The following ST6GALNAC5 variants were observed in gnomAD, a reference collection of about 807,000 sequenced individuals.
ST6GALNAC5 encodes the protein alpha-N-acetylgalactosaminide alpha-2,6-sialyltransferase 5.
Under a neutral mutation model 33.6 loss-of-function variants are expected in ST6GALNAC5, and 27 were observed. That is an observed-to-expected ratio of 0.80 (90% CI 0.59 to 1.11). The LOEUF (loss-of-function observed/expected upper bound fraction) is 1.11, where lower values mean the gene tolerates loss of function less well. Ranked by LOEUF, ST6GALNAC5 falls within the 50% of genes least tolerant of loss-of-function variation. The pLI, the probability that ST6GALNAC5 is intolerant of heterozygous loss-of-function variation, is 0.00. For synonymous variants in ST6GALNAC5, 194 were observed against 171.2 expected, an observed-to-expected ratio of 1.13 and a Z score of -1.04; for missense variants, 428 against 454.0, an observed-to-expected ratio of 0.94 and a Z score of 0.52.
chr1:77,012,491 G>A (rs1650669428), intron 2 of ST6GALNAC5, among the ~76,000 whole-genome samples: 1 of 152,124 alleles, frequency 6.6e-6, no homozygotes, highest in Non-Finnish European at 1.5e-5. Flanking sequence ...AGGGATAGTA[G>A]GGGACACGAA....
chr1:76,876,454 T>C (rs1190462236), intron 2 of ST6GALNAC5, among the ~76,000 whole-genome samples: 2 of 152,216 alleles, frequency 1.3e-5, no homozygotes, highest in Non-Finnish European at 2.9e-5. Context: ...AATCCTCCTC[T>C]GCTGAAGTCA....
intron 2 of ST6GALNAC5, among the ~76,000 whole-genome samples, chr1:76,966,463 T>C (rs985261879): frequency 9.2e-5 from 14 of 152,258 alleles, no homozygotes; most frequent in African/African-American, 3.4e-4. Context: ...CTTGAGACTT[T>C]GCTGAAATTG....
At chr1:77,051,801 C>T (rs959111579) in intron 4 of ST6GALNAC5, among the ~76,000 whole-genome samples, 2 of 152,054 alleles carry the variant, frequency 1.3e-5, no homozygotes, top group Non-Finnish European at 2.9e-5. Context: ...GAGAATGGCA[C>T]TTATGGGCAT....
chr1:77,059,253 A>T (rs28702615), intron 4 of ST6GALNAC5, among the ~76,000 whole-genome samples: 5,532 of 152,236 alleles, frequency 0.036, 197 homozygotes, highest in African/African-American at 0.093. Context: ...AGATTTTACC[A>T]GTTTCTCTAC....
intron 2 of ST6GALNAC5, among the ~76,000 whole-genome samples, chr1:76,897,475 C>A (rs1385612236): frequency 1.3e-5 from 2 of 152,108 alleles, no homozygotes; most frequent in Non-Finnish European, 2.9e-5. Flanking sequence ...TGAGTGATAA[C>A]AGGCTTTAAC....
chr1:76,944,261 G>A lies in ST6GALNAC5; in HGVS notation c.261+75519G>A, dbSNP rs552374886. ...TTTTTATTATTTTAAAGAGAGAATA[G>A]ATGGTTATTATACCACTTACGCAGC... On this transcript the variant is annotated intron_variant, in intron 2 of 4. Transcript: ENST00000477717. Among the ~76,000 whole-genome samples, 58 of 152,200 alleles carry A rather than the reference G, an allele frequency of 3.8e-4. 1 individual carries two copies. Among genetic ancestry groups the A allele is most frequent in the African/African-American group, 1.2e-3 (51 of 41,550 alleles).
intron 2 of ST6GALNAC5, among the ~76,000 whole-genome samples, chr1:76,987,933 G>T (rs964318169): frequency 6.6e-6 from 1 of 152,050 alleles, no homozygotes; most frequent in Non-Finnish European, 1.5e-5. Context: ...TAAAGCCAAG[G>T]AAGTTTTCTT....
rs147912436 is a variant in ST6GALNAC5 at position 77,024,682 on chromosome 1, A to G, written c.262-19522A>G. 7.2e-5 allele frequency among the ~76,000 whole-genome samples: 11 copies of G among 152,338 alleles called. No individual in the cohort carries two copies. In the East Asian group the frequency reaches 2.1e-3, roughly 29 times the overall value. On this transcript the variant is annotated intron_variant, in intron 2 of 4. Transcript: ENST00000477717. ...CAAGGGACTTTGATATGTGAGACCC[A>G]GAAGCTCCCTGCAGAGAACAAAGGG... is the stretch of plus-strand genomic sequence containing the variant.
At chr1:76,905,597 G>A (rs991128691) in intron 2 of ST6GALNAC5, among the ~76,000 whole-genome samples, 5 of 152,148 alleles carry the variant, frequency 3.3e-5, no homozygotes, top group Non-Finnish European at 5.9e-5. Context: ...TCTTCAAATG[G>A]TGATTGGGTG....
intron 2 of ST6GALNAC5, among the ~76,000 whole-genome samples, chr1:77,015,433 A>G (rs1189866980): frequency 6.6e-6 from 1 of 152,170 alleles, no homozygotes; most frequent in Non-Finnish European, 1.5e-5. Context: ...AACACCCTCA[A>G]GACACACCAG....
chr1:77,029,574 G>A (rs1290035328), intron 2 of ST6GALNAC5, among the ~76,000 whole-genome samples: 4 of 152,236 alleles, frequency 2.6e-5, no homozygotes, highest in African/African-American at 7.2e-5. Context: ...GAGGCATGGG[G>A]ACTAGAAACG....
intron 2 of ST6GALNAC5, among the ~76,000 whole-genome samples, chr1:77,032,953 G>A (rs566265722): frequency 6.6e-5 from 10 of 152,256 alleles, no homozygotes; most frequent in African/African-American, 2.2e-4. Context: ...TTGTGGAATC[G>A]GGCTTGTCGG....
intron 2 of ST6GALNAC5, among the ~76,000 whole-genome samples, chr1:77,028,422 G>C (rs1382683765): frequency 6.6e-6 from 1 of 152,186 alleles, no homozygotes; most frequent in Non-Finnish European, 1.5e-5. Context: ...TAGAAATCAA[G>C]CTGGAAGGAA....
chr1:76,986,516 A>G (rs1649502366), intron 2 of ST6GALNAC5, among the ~76,000 whole-genome samples: 1 of 151,968 alleles, frequency 6.6e-6, no homozygotes, highest in Non-Finnish European at 1.5e-5. Context: ...AGGAAACAAT[A>G]GATGCTAGAG....
chr1:76,989,070 A>T (rs549618679), intron 2 of ST6GALNAC5, among the ~76,000 whole-genome samples: 1 of 152,024 alleles, frequency 6.6e-6, no homozygotes, highest in African/African-American at 2.4e-5. Context: ...TGTAAAATTG[A>T]CCTAGTCTTT....
intron 2 of ST6GALNAC5, among the ~76,000 whole-genome samples, chr1:76,922,655 T>C (rs1171449651): frequency 2.0e-5 from 3 of 152,116 alleles, no homozygotes; most frequent in Non-Finnish European, 4.4e-5. Flanking sequence ...TAGAATAGAA[T>C]GGAGAACTCA....
At chr1:76,970,233 A>G (rs150964230) in intron 2 of ST6GALNAC5, among the ~76,000 whole-genome samples, 1,716 of 152,172 alleles carry the variant, frequency 0.011, 36 homozygotes, top group African/African-American at 0.039. Flanking sequence ...TAGGCTTCAG[A>G]AGGTCGGTAA....
chr1:76,930,616 T>TGGCA (rs1438169615), intron 2 of ST6GALNAC5, among the ~76,000 whole-genome samples: 4 of 152,176 alleles, frequency 2.6e-5, no homozygotes, highest in Admixed American at 2.0e-4. Flanking sequence ...CTGAAATGGA[T>TGGCA]GGCAAGTCAG....
intron 2 of ST6GALNAC5, among the ~76,000 whole-genome samples, chr1:77,029,442 A>G (rs1468183851): frequency 6.6e-6 from 1 of 152,184 alleles, no homozygotes; most frequent in Non-Finnish European, 1.5e-5. Flanking sequence ...GTGGCTTCCA[A>G]TGTTACTATG....
Sources: gnomAD v4.1 joint callset for allele counts (sites outside exome capture counted in the v4.1 genomes callset) on GRCh38, gnomAD v4.1.1 for gene constraint, MANE v1.5 for transcripts, NCBI Gene and HGNC (gene_info 2026-07-23, HGNC 2026-07-21) for gene names.